SMAD9: variants seen among roughly 807,000 people sequenced by gnomAD.
The protein encoded by SMAD9 is SMAD family member 9.
In SMAD9, 36 loss-of-function variants were observed where a neutral mutation model predicts 46.1. That is an observed-to-expected ratio of 0.78 (90% confidence interval 0.60 to 1.03). The LOEUF is 1.03. SMAD9 is among the 50% of genes least tolerant of loss of function. The pLI, the probability that SMAD9 is intolerant of heterozygous loss-of-function variation, is 0.00. For missense variants in SMAD9, 572 were observed against 599.8 expected, an observed-to-expected ratio of 0.95 and a Z score of 0.48; for synonymous variants, 245 against 237.1, an observed-to-expected ratio of 1.03 and a Z score of -0.31.
At chr13:36,877,724 G>A (rs9547689) in intron 2 of SMAD9, among the ~76,000 whole-genome samples, 26,255 of 152,084 alleles carry the variant, frequency 0.17, 2,730 homozygotes, top group Non-Finnish European at 0.23. Flanking sequence ...TGCCAAGCAT[G>A]TGGAACCTTC....
intron 1 of SMAD9, among the ~76,000 whole-genome samples, chr13:36,904,134 T>A (rs1206312009): frequency 6.6e-6 from 1 of 152,108 alleles, no homozygotes; most frequent in Non-Finnish European, 1.5e-5. Flanking sequence ...TATGGTCCCA[T>A]CTGTTTCTAG....
chr13:36,879,156 C>CT (rs1555241385), intron 2 of SMAD9, 122 bp downstream of exon 2: 1 of 870,074 alleles, frequency 1.1e-6, no homozygotes, highest in South Asian at 1.5e-5. Flanking sequence ...ACCTCCCTCT[C>CT]CTCTCTTCTC....
At chr13:36,873,186 TG>T (rs2058313427) in intron 2 of SMAD9, among the ~76,000 whole-genome samples, 1 of 152,158 alleles carries the variant, frequency 6.6e-6, no homozygotes, top group Non-Finnish European at 1.5e-5. Flanking sequence ...CAAAAGCATT[TG>T]GAGAAGGATC....
At chr13:36,871,580 G>A (rs2058295543) in intron 3 of SMAD9, among the ~76,000 whole-genome samples, 1 of 151,964 alleles carries the variant, frequency 6.6e-6, no homozygotes, top group South Asian at 2.1e-4. Flanking sequence ...TATTCAATAA[G>A]CAACTGATGA....
intron 1 of SMAD9, among the ~76,000 whole-genome samples, chr13:36,914,060 C>T (rs2058680634): frequency 6.6e-6 from 1 of 152,204 alleles, no homozygotes; most frequent in South Asian, 2.1e-4. Context: ...GGCCAGCTCA[C>T]TAGGATCCTC....
At chr13:36,884,068 T>C (rs578153817) in intron 1 of SMAD9, among the ~76,000 whole-genome samples, 31 of 152,314 alleles carry the variant, frequency 2.0e-4, no homozygotes, top group African/African-American at 6.5e-4. Context: ...CTGGGACTAC[T>C]TGTAGTAGTC....
At chr13:36,879,942 T>G in intron 1 of SMAD9, 67 bp from the exon 2 acceptor site, 1 of 467,590 alleles carries the variant, frequency 2.1e-6, no homozygotes, top group Non-Finnish European at 3.9e-6. Flanking sequence ...TGAAGTTGGA[T>G]AGAAAGAGGC....
intron 5 of SMAD9, among the ~76,000 whole-genome samples, chr13:36,863,434 A>G (rs1375240393): frequency 1.3e-5 from 2 of 152,256 alleles, no homozygotes; most frequent in African/African-American, 4.8e-5. Flanking sequence ...AGAACAGGTC[A>G]TCAGTCCCAG....
At chr13:36,899,967 A>C (rs923563066) in intron 1 of SMAD9, among the ~76,000 whole-genome samples, 2 of 152,150 alleles carry the variant, frequency 1.3e-5, no homozygotes, top group Non-Finnish European at 2.9e-5. Context: ...TCTAAGTAAA[A>C]GCCAGAAGCC....
At chr13:36,918,707 G>A (rs1273133718) in intron 1 of SMAD9, among the ~76,000 whole-genome samples, 1 of 152,196 alleles carries the variant, frequency 6.6e-6, no homozygotes, top group Non-Finnish European at 1.5e-5. Flanking sequence ...TCTATTTGGA[G>A]TTGAGAATGT....
intron 1 of SMAD9, among the ~76,000 whole-genome samples, chr13:36,893,250 C>T (rs2058502085): frequency 6.6e-6 from 1 of 151,766 alleles, no homozygotes; most frequent in Admixed American, 6.6e-5. Flanking sequence ...TAGATTTTAT[C>T]AGTCATTGTT....
intron 5 of SMAD9, among the ~76,000 whole-genome samples, chr13:36,858,621 C>T (rs752355447): frequency 5.3e-5 from 8 of 152,146 alleles, no homozygotes; most frequent in African/African-American, 1.7e-4. Flanking sequence ...GTCTCCCTTA[C>T]CACTGCTGCT....
At chr13:36,863,913 T>A (rs1418820219) in intron 5 of SMAD9, among the ~76,000 whole-genome samples, 1 of 152,044 alleles carries the variant, frequency 6.6e-6, no homozygotes, top group Non-Finnish European at 1.5e-5. Context: ...TACCACACAC[T>A]CTCCATGTCC....
chr13:36,871,315 C>T (rs1435790655), intron 3 of SMAD9, among the ~76,000 whole-genome samples: 3 of 152,050 alleles, frequency 2.0e-5, no homozygotes, highest in East Asian at 3.9e-4. Context: ...GTCAGGAGTT[C>T]GAGACCAGCC....
At chr13:36,864,939 C>G (rs1249056526) in intron 5 of SMAD9, among the ~76,000 whole-genome samples, 1 of 152,172 alleles carries the variant, frequency 6.6e-6, no homozygotes, top group African/African-American at 2.4e-5. Context: ...CTCAGCCAGA[C>G]CACACACTCA....
intron 1 of SMAD9, among the ~76,000 whole-genome samples, chr13:36,913,901 T>C (rs1390130986): frequency 6.6e-6 from 1 of 152,234 alleles, no homozygotes; most frequent in African/African-American, 2.4e-5. Flanking sequence ...CTTCTAATAA[T>C]CACTTATGTC....
chr13:36,860,749 G>C (rs544393957), intron 5 of SMAD9, among the ~76,000 whole-genome samples: 1 of 152,094 alleles, frequency 6.6e-6, no homozygotes, highest in South Asian at 2.1e-4. Flanking sequence ...CACCACGCCC[G>C]GCCACCAGCG....
intron 1 of SMAD9, among the ~76,000 whole-genome samples, chr13:36,918,973 C>G (rs1014870441): frequency 1.3e-5 from 2 of 152,108 alleles, no homozygotes; most frequent in African/African-American, 4.8e-5. Flanking sequence ...AAAGATCATC[C>G]GAGAAATCTG....
intron 2 of SMAD9, among the ~76,000 whole-genome samples, chr13:36,877,027 T>C (rs2058351325): frequency 6.6e-6 from 1 of 152,172 alleles, no homozygotes; most frequent in South Asian, 2.1e-4. Flanking sequence ...TTACCATATG[T>C]AAAACACTCA....
Sources: gnomAD v4.1 joint callset for allele counts (sites outside exome capture counted in the v4.1 genomes callset) on GRCh38, gnomAD v4.1.1 for gene constraint, MANE v1.5 for transcripts, NCBI Gene and HGNC (gene_info 2026-07-23, HGNC 2026-07-21) for gene names.